Variants in COL11A1 observed in about 807,000 individuals in gnomAD.
COL11A1 encodes the protein collagen type XI alpha 1 chain.
COL11A1 carries 74 observed loss-of-function variants against 265.2 expected under a neutral mutation model. The ratio of observed to expected loss-of-function variants is 0.28; its 90% CI spans 0.23 to 0.34. The LOEUF (loss-of-function observed/expected upper bound fraction) is 0.34. Ranked by LOEUF, COL11A1 falls within the 10% of genes least tolerant of loss-of-function variation. COL11A1 has a pLI of 1.00. For synonymous variants in COL11A1, 816 were observed against 727.6 expected (o/e 1.12, Z -1.96); for missense variants, 2,165 against 2,263.6 (o/e 0.96, Z 0.88).
intron 1 of COL11A1, among the ~76,000 whole-genome samples, chr1:103,106,204 G>T (rs752261958): frequency 1.3e-5 from 2 of 152,072 alleles, no homozygotes; most frequent in African/African-American, 2.4e-5. Flanking sequence ...CCACAGAAAG[G>T]CTCAATGTGG....
rs143206939 is a variant in COL11A1 at position 103,097,131 on chromosome 1, G to A, written c.106+10942C>T. On this transcript the variant is annotated intron_variant, in intron 1 of 66. Coordinates refer to ENST00000370096, the MANE Select transcript of COL11A1 (RefSeq NM_001854.4). ...GGATCCAATGGTAGGAATCAACTGG[G>A]ACAACCTAGTTATGTGTTGATATCG... 5.2e-3 allele frequency among the ~76,000 whole-genome samples: 790 copies of A among 152,072 alleles called. 8 individuals are homozygous for A. Among genetic ancestry groups the A allele is most frequent in the Non-Finnish European group, 7.1e-3 (485 of 67,924 alleles).
chr1:102,900,384 A>G (rs958257740), intron 54 of COL11A1, among the ~76,000 whole-genome samples: 25 of 152,260 alleles, frequency 1.6e-4, no homozygotes, highest in Non-Finnish European at 4.4e-5. Context: ...GTTGAGCCAG[A>G]AATTATTTTG....
At chr1:103,029,975 C>A (rs1046568947) in intron 5 of COL11A1, among the ~76,000 whole-genome samples, 2 of 151,968 alleles carry the variant, frequency 1.3e-5, no homozygotes, top group African/African-American at 2.4e-5. Flanking sequence ...CAAAACAGAT[C>A]TCATCAACCT....
At chr1:102,966,482 AATT>A (rs1661414681) in intron 37 of COL11A1, among the ~76,000 whole-genome samples, 1 of 152,192 alleles carries the variant, frequency 6.6e-6, no homozygotes, top group Non-Finnish European at 1.5e-5. Context: ...AAGAGTCTGT[AATT>A]ATTGCAATTG....
intron 4 of COL11A1, among the ~76,000 whole-genome samples, chr1:103,037,142 T>TTATA (rs34909682): frequency 3.4e-5 from 5 of 148,372 alleles, no homozygotes; most frequent in African/African-American, 1.2e-4. Context: ...ATATATAATT[T>TTATA]TATATATATA....
At chr1:103,101,003 T>C (rs1043424185) in intron 1 of COL11A1, among the ~76,000 whole-genome samples, 3 of 151,998 alleles carry the variant, frequency 2.0e-5, no homozygotes, top group African/African-American at 4.8e-5. Flanking sequence ...CCTGGAGATA[T>C]AAGGAAAAGT....
At chr1:103,051,855 C>G (rs114339316) in intron 4 of COL11A1, among the ~76,000 whole-genome samples, 5 of 152,284 alleles carry the variant, frequency 3.3e-5, no homozygotes, top group Non-Finnish European at 7.4e-5. Flanking sequence ...TGAAATGATT[C>G]TTTGGCTCAG....
Position 103,062,375 on chromosome 1 carries a change from G to A in COL11A1, c.651+12243C>T, listed in dbSNP as rs560707943. The stretch of plus-strand genomic sequence containing the variant: ...TCAAAACCAGGTGAAAACATTAAAA[G>A]AAAATAATACTACAGACCAATATCT... On this transcript the variant is annotated intron_variant, in intron 4 of 66. Coordinates refer to ENST00000370096, the MANE Select transcript of COL11A1 (RefSeq NM_001854.4). Among the ~76,000 whole-genome samples, 230 of 151,924 alleles carry A rather than the reference G, an allele frequency of 1.5e-3. 1 individual carries two copies. The highest frequency in any genetic ancestry group is 1.7e-3 in the South Asian group (8 of 4,830).
intron 4 of COL11A1, among the ~76,000 whole-genome samples, chr1:103,071,467 C>CTTTTTTTTT (rs869263393): frequency 6.0e-5 from 3 of 49,892 alleles, no homozygotes; most frequent in Non-Finnish European, 1.2e-4. Flanking sequence ...GTTGGTAGGA[C>CTTTTTTTTT]TTTTTTTTTT....
intron 4 of COL11A1, among the ~76,000 whole-genome samples, chr1:103,054,429 G>A (rs975941703): frequency 6.6e-6 from 1 of 152,052 alleles, no homozygotes; most frequent in Admixed American, 6.6e-5. Flanking sequence ...ATGGCATTTT[G>A]CTTTTGCCTT....
intron 4 of COL11A1, among the ~76,000 whole-genome samples, chr1:103,031,919 A>C (rs1024437177): frequency 6.6e-6 from 1 of 152,086 alleles, no homozygotes; most frequent in South Asian, 2.1e-4. Context: ...GATTTCAATA[A>C]AATCAAAACA....
At chr1:103,084,544 A>G (rs575420468) in intron 1 of COL11A1, among the ~76,000 whole-genome samples, 26 of 151,974 alleles carry the variant, frequency 1.7e-4, no homozygotes, top group Admixed American at 1.4e-3. Flanking sequence ...GATACAGGCT[A>G]TAACACGGAT....
At chr1:102,881,247 T>G (rs957714126) in intron 65 of COL11A1, among the ~76,000 whole-genome samples, 1 of 152,052 alleles carries the variant, frequency 6.6e-6, no homozygotes, top group Non-Finnish European at 1.5e-5. Context: ...GGTAATTGTA[T>G]GGAAATCTTT....
intron 1 of COL11A1, among the ~76,000 whole-genome samples, chr1:103,091,081 T>C (rs567008536): frequency 6.6e-6 from 1 of 152,252 alleles, no homozygotes; most frequent in Admixed American, 6.5e-5. Flanking sequence ...TGGACATTAA[T>C]ACACTGATAT....
intron 41 of COL11A1, among the ~76,000 whole-genome samples, chr1:102,959,069 C>A (rs909617346): frequency 1.3e-5 from 2 of 152,204 alleles, no homozygotes; most frequent in Admixed American, 6.5e-5. Context: ...CATCGGCTCA[C>A]TCCAATGTTG....
At chr1:102,883,336 A>T (rs1650501985) in intron 63 of COL11A1, 25 bp from the exon 64 acceptor site, 2 of 1,439,570 alleles carry the variant, frequency 1.4e-6, no homozygotes, top group East Asian at 2.3e-5. Flanking sequence ...AAAATATGTC[A>T]TATAAAAATT....
Position 102,878,343 on chromosome 1 carries a change from T to G in COL11A1, c.5275-178A>C, listed in dbSNP as rs116234463. ...ACTGTATAGTTCTAAATTTTGAATA[T>G]TGATTAGTACATTTAATACTTAGCT... On this transcript the variant is annotated intron_variant, in intron 66 of 66. Coordinates refer to ENST00000370096, the MANE Select transcript of COL11A1 (RefSeq NM_001854.4). Among the ~76,000 whole-genome samples the G allele has an allele frequency of 8.8e-3, 1,323 of 151,048 alleles. 26 individuals carry two copies. The highest frequency in any genetic ancestry group is 0.03 in the African/African-American group (1,240 of 41,316).
In COL11A1 at chr1:102,933,865, G is replaced by A. The variant is rs575179881; in HGVS notation, c.3600+584C>T. On this transcript the variant is annotated intron_variant, in intron 46 of 66. Coordinates refer to ENST00000370096, the MANE Select transcript of COL11A1 (RefSeq NM_001854.4). ...GTGACCCGATTTTCCAGGTGAGTCC[G>A]TCACCCCTTTCTTTGACTCAGAAAG... 2.6e-3 allele frequency among the ~76,000 whole-genome samples: 397 copies of A among 152,224 alleles called. 5 individuals are homozygous for A. The highest frequency in any genetic ancestry group is 9.2e-3 in the African/African-American group (382 of 41,528).
In COL11A1 at chr1:102,973,966, A is replaced by G. The variant is rs138599565; in HGVS notation, c.2808+864T>C. 4.6e-5 allele frequency among the ~76,000 whole-genome samples: 7 copies of G among 152,348 alleles called. No individual in the cohort carries two copies. In the East Asian group the frequency reaches 1.3e-3, roughly 29 times the overall value. ...TCTGGACTAGCACAGAGGTTCACACACTTTAACATGCATCAGAACTGTCTA... is the reference window on the plus strand; with the variant it reads ...TCTGGACTAGCACAGAGGTTCACACGCTTTAACATGCATCAGAACTGTCTA... On this transcript the variant is annotated intron_variant, in intron 36 of 66. Coordinates refer to ENST00000370096, the MANE Select transcript of COL11A1 (RefSeq NM_001854.4).
Sources: allele counts gnomAD v4.1 joint callset (sites outside exome capture counted in the v4.1 genomes callset), GRCh38; gene constraint gnomAD v4.1.1; transcripts MANE v1.5; gene names NCBI Gene and HGNC (gene_info 2026-07-23, HGNC 2026-07-21).